CDH6: variants seen among roughly 807,000 people sequenced by gnomAD.
CDH6 encodes cadherin 6.
A neutral mutation model predicts 78.0 loss-of-function variants in CDH6; 31 were observed. The ratio of observed to expected loss-of-function variants is 0.40; its 90% CI spans 0.30 to 0.54. The LOEUF (loss-of-function observed/expected upper bound fraction) is 0.54, where lower values mean the gene tolerates loss of function less well. Among genes scored for constraint, CDH6 ranks in the 20% least tolerant of loss-of-function variants. CDH6 has a pLI of 0.56. For synonymous variants in CDH6, 376 were observed against 368.8 expected, an observed-to-expected ratio of 1.02 and a Z score of -0.23; for missense variants, 724 against 975.9, an observed-to-expected ratio of 0.74 and a Z score of 3.44.
chr5:31,307,428 C>T (rs1738019839), intron 7 of CDH6, among the ~76,000 whole-genome samples: 1 of 152,206 alleles, frequency 6.6e-6, no homozygotes, highest in African/African-American at 2.4e-5. Flanking sequence ...TTTTAAATCA[C>T]TGGGCAAATA....
chr5:31,225,129 T>G (rs1741113387), intron 1 of CDH6, among the ~76,000 whole-genome samples: 1 of 152,162 alleles, frequency 6.6e-6, no homozygotes, highest in Non-Finnish European at 1.5e-5. Flanking sequence ...ATGCAAATAG[T>G]GCTGAGGTTT....
intron 9 of CDH6, 35 bp downstream of exon 9, chr5:31,316,364 A>C (rs1030488167): frequency 6.3e-6 from 10 of 1,577,666 alleles, no homozygotes; most frequent in African/African-American, 1.4e-5. Flanking sequence ...CAAGTTGAAC[A>C]TCAGATTAAT....
intron 2 of CDH6, among the ~76,000 whole-genome samples, chr5:31,268,084 A>G (rs1258085953): frequency 6.6e-6 from 1 of 152,218 alleles, no homozygotes; most frequent in African/African-American, 2.4e-5. Context: ...TCTCATTCTA[A>G]AAGCAAATGT....
intron 1 of CDH6, among the ~76,000 whole-genome samples, chr5:31,238,932 T>A (rs1210550836): frequency 6.6e-6 from 1 of 152,236 alleles, no homozygotes; most frequent in Admixed American, 6.5e-5. Flanking sequence ...TCTCTATATA[T>A]GTTTAGGAAA....
chr5:31,328,895 GT>G lies in CDH6; in HGVS notation c.*5588del. 4.5e-6 allele frequency: 1 copy of G among 220,142 alleles called. No individual in the cohort carries two copies. The highest frequency in any genetic ancestry group is 5.8e-5 in the Admixed American group (1 of 17,316). 13.6% of individuals were successfully genotyped at this position (220,142 alleles called of 1,614,324 possible). A position where few individuals can be genotyped will look rare whatever the true frequency, so the allele number is the denominator to read the frequency against. ...CACAGTTTACCTGAGAAAGTTTTCT[GT>G]GTTAGAAGAATGGGGTCGAGAGTAT... On this transcript the variant is annotated 3_prime_UTR_variant, in exon 12 of 12. Transcript: ENST00000265071.
At chr5:31,302,977 AAAG>A (rs1381729001) in intron 6 of CDH6, among the ~76,000 whole-genome samples, 1 of 147,878 alleles carries the variant, frequency 6.8e-6, no homozygotes, top group Non-Finnish European at 1.5e-5. Flanking sequence ...AGAAAGAAAG[AAAG>A]AAAGAAAACC....
intron 7 of CDH6, among the ~76,000 whole-genome samples, chr5:31,310,420 C>T (rs1738115047): frequency 6.6e-6 from 1 of 152,208 alleles, no homozygotes. Context: ...GCATTAAGTG[C>T]CTGCAGCTTT....
At position 31,305,425 on chromosome 5, in the gene CDH6, C is replaced by T; in HGVS notation, c.1251C>T (p.Val417=). ...ATCCAGATGCTGCCAGGAATCCTGT[C>T]AAGTAAGCACACTTCTGCGACATGT... ...AQDPDAARNP[V]KYSVDRHTDM... The change falls in exon 7 of 12, where the codon GTC becomes GTT. Residue 417 remains valine (V), a splice_region_variant and synonymous_variant. Transcript: ENST00000265071. 2 of 1,612,410 alleles carry T rather than the reference C, an allele frequency of 1.2e-6. No individual in the cohort carries two copies. The highest frequency in any genetic ancestry group is 1.1e-5 in the South Asian group (1 of 90,884).
intron 2 of CDH6, among the ~76,000 whole-genome samples, chr5:31,284,394 G>T (rs1045238965): frequency 2.0e-4 from 30 of 152,202 alleles, no homozygotes; most frequent in Non-Finnish European, 3.4e-4. Flanking sequence ...TATTTCTACT[G>T]CCCTGAGACA....
intron 1 of CDH6, among the ~76,000 whole-genome samples, chr5:31,244,622 A>G (rs1741692494): frequency 6.6e-6 from 1 of 152,018 alleles, no homozygotes; most frequent in African/African-American, 2.4e-5. Context: ...GCAAGAGTTT[A>G]TCAGTATATA....
At chr5:31,242,717 G>T in intron 1 of CDH6, among the ~76,000 whole-genome samples, 1 of 150,720 alleles carries the variant, frequency 6.6e-6, no homozygotes, top group South Asian at 2.1e-4. Context: ...GGGGCGGTTA[G>T]AAGAAAATAT....
At chr5:31,232,637 T>C (rs1741344897) in intron 1 of CDH6, among the ~76,000 whole-genome samples, 1 of 152,260 alleles carries the variant, frequency 6.6e-6, no homozygotes, top group African/African-American at 2.4e-5. Flanking sequence ...TCAAACAAGT[T>C]TGCAAAGCAA....
chr5:31,217,758 G>C (rs1233318383), intron 1 of CDH6, among the ~76,000 whole-genome samples: 1 of 152,102 alleles, frequency 6.6e-6, no homozygotes, highest in Non-Finnish European at 1.5e-5. Flanking sequence ...AAGCCTCTAG[G>C]AGTAAGAGAA....
intron 6 of CDH6, among the ~76,000 whole-genome samples, chr5:31,303,101 A>T (rs1373729575): frequency 2.0e-5 from 3 of 152,192 alleles, no homozygotes; most frequent in Non-Finnish European, 2.9e-5. Context: ...CTCCTAAGTA[A>T]ATAAGTAATA....
chr5:31,278,883 T>C (rs1175694164), intron 2 of CDH6, among the ~76,000 whole-genome samples: 1 of 152,218 alleles, frequency 6.6e-6, no homozygotes, highest in South Asian at 2.1e-4. Context: ...GAGAAAATCC[T>C]GCTTTAAAAT....
chr5:31,197,649 T>TAC (rs1275612690), intron 1 of CDH6, among the ~76,000 whole-genome samples: 1 of 152,136 alleles, frequency 6.6e-6, no homozygotes, highest in Non-Finnish European at 1.5e-5. Flanking sequence ...GAAGAAGGCA[T>TAC]ACACACACAC....
intron 1 of CDH6, among the ~76,000 whole-genome samples, chr5:31,212,706 GAA>G (rs1402452922): frequency 6.6e-6 from 1 of 151,978 alleles, no homozygotes; most frequent in Non-Finnish European, 1.5e-5. Context: ...AACGACTGGA[GAA>G]AAGTGATAGA....
chr5:31,203,242 T>TTA (rs201896986), intron 1 of CDH6, among the ~76,000 whole-genome samples: 4,003 of 137,206 alleles, frequency 0.029, 181 homozygotes, highest in African/African-American at 0.1. Flanking sequence ...CCTTTTTTTT[T>TTA]TTTATTTATT....
At chr5:31,276,161 A>T (rs1344386485) in intron 2 of CDH6, among the ~76,000 whole-genome samples, 2 of 152,232 alleles carry the variant, frequency 1.3e-5, no homozygotes, top group African/African-American at 4.8e-5. Context: ...GTTCTTTGCA[A>T]ACCTTTCTTT....
Sources: allele counts gnomAD v4.1 joint callset (sites outside exome capture counted in the v4.1 genomes callset), GRCh38; gene constraint gnomAD v4.1.1; transcripts MANE v1.5; gene names NCBI Gene and HGNC (gene_info 2026-07-23, HGNC 2026-07-21).